FGFR1: variants seen among roughly 807,000 people sequenced by gnomAD.
FGFR1 encodes the protein fibroblast growth factor receptor 1, also known as FGFR1/PLAG1 fusion.
Under a neutral mutation model 93.7 loss-of-function variants are expected in FGFR1, and 18 were observed. The ratio of observed to expected loss-of-function variants is 0.19; its 90% CI spans 0.13 to 0.28. FGFR1 has a LOEUF of 0.28. FGFR1 is among the 10% of genes least tolerant of loss of function. The pLI is 1.00. For missense variants in FGFR1, 731 were observed against 1,080.4 expected (o/e 0.68, Z 4.53); for synonymous variants, 448 against 429.3 (o/e 1.04, Z -0.54).
chr8:38,444,513 C>G (rs1828680491), intron 2 of FGFR1, among the ~76,000 whole-genome samples: 1 of 151,688 alleles, frequency 6.6e-6, no homozygotes, highest in Non-Finnish European at 1.5e-5. Context: ...CTCAGCCCCC[C>G]AAGCAGCTGG....
intron 1 of FGFR1, chr8:38,461,152 C>G (rs765288367): frequency 6.5e-7 from 1 of 1,535,874 alleles, no homozygotes; most frequent in Non-Finnish European, 8.7e-7. Context: ...GTGAAAGTGC[C>G]TGCTGTCTTC....
chr8:38,424,408 C>T lies in FGFR1; in HGVS notation c.936+101G>A. The T allele has an allele frequency of 3.9e-6, 5 of 1,275,652 alleles. No individual in the cohort carries two copies. The highest frequency in any genetic ancestry group is 1.5e-5 in the African/African-American group (1 of 68,402). The allele number at this position is 1,275,652 out of a possible 1,614,324, so 79.0% of individuals were successfully genotyped here. ...GTGTGCCTGAAGCGTGAGGAATGATCCCATTCGGGGGCAACTGAGCCTGCC... is the reference window on the plus strand; with the variant it reads ...GTGTGCCTGAAGCGTGAGGAATGATTCCATTCGGGGGCAACTGAGCCTGCC... On this transcript the variant is annotated intron_variant, in intron 7 of 17. Coordinates refer to ENST00000447712, the MANE Select transcript of FGFR1 (RefSeq NM_023110.3). This position sits in a 1 kb window ranked among gnomAD's most constrained non-coding sequence, Gnocchi z 4.3.
In FGFR1 at chr8:38,468,606, G is replaced by C. The variant is rs1836023189; in HGVS notation, c.-714C>G. Reference sequence around the variant, plus strand: ...GCCCGCCGCCGAGGACGCCGCGCCTGTGGCCGCAAGAGCGCTCCGAGCGCT... The same window carrying C: ...GCCCGCCGCCGAGGACGCCGCGCCTCTGGCCGCAAGAGCGCTCCGAGCGCT... On this transcript the variant is annotated 5_prime_UTR_variant, in exon 1 of 18. Transcript: ENST00000447712. 1 of 230,112 alleles carries C rather than the reference G, an allele frequency of 4.3e-6. No individual in the cohort carries two copies. The highest frequency in any genetic ancestry group is 6.1e-5 in the East Asian group (1 of 16,436). The allele number at this position is 230,112 out of a possible 1,614,324, so 14.3% of individuals were successfully genotyped here. A position where few individuals can be genotyped will look rare whatever the true frequency, so the allele number is the denominator to read the frequency against.
intron 12 of FGFR1, among the ~76,000 whole-genome samples, chr8:38,416,756 A>G (rs1197881504): frequency 6.8e-6 from 1 of 146,104 alleles, no homozygotes; most frequent in Non-Finnish European, 1.5e-5. Flanking sequence ...TGCCTGGCCT[A>G]TTTATTTATT....
At chr8:38,418,756 G>A (rs538486202) in intron 9 of FGFR1, 3 of 325,210 alleles carry the variant, frequency 9.2e-6, no homozygotes, top group South Asian at 2.9e-5. Flanking sequence ...GGCTTCTGAG[G>A]GAACGGTCAT....
intron 2 of FGFR1, among the ~76,000 whole-genome samples, chr8:38,444,051 C>CAA (rs746296068): frequency 0.011 from 798 of 74,324 alleles, 30 homozygotes; most frequent in African/African-American, 0.026. Context: ...GAAACTGTCT[C>CAA]AAAAAAAAAA....
chr8:38,446,385 T>C (rs1464999272), intron 2 of FGFR1, among the ~76,000 whole-genome samples: 1 of 151,848 alleles, frequency 6.6e-6, no homozygotes, highest in East Asian at 1.9e-4. Context: ...TAGTTTTTTG[T>C]ATTTTAGTAG....
At chr8:38,457,913 G>A (rs1422325724) in intron 1 of FGFR1, among the ~76,000 whole-genome samples, 1 of 152,160 alleles carries the variant, frequency 6.6e-6, no homozygotes, top group Non-Finnish European at 1.5e-5. Flanking sequence ...AATCCAGGAG[G>A]CGAAGGATGC....
At chr8:38,459,237 T>C (rs971744495) in intron 1 of FGFR1, among the ~76,000 whole-genome samples, 1 of 152,156 alleles carries the variant, frequency 6.6e-6, no homozygotes, top group Non-Finnish European at 1.5e-5. Context: ...ATCCAAGTTA[T>C]TCAGAGAATC....
chr8:38,432,914 C>CT lies in FGFR1; in HGVS notation c.92-2967_92-2966insA, dbSNP rs912051441. Among the ~76,000 whole-genome samples, 9 of 139,558 alleles carry CT rather than the reference C, an allele frequency of 6.4e-5. 2 individuals are homozygous for CT. In the South Asian group the frequency reaches 1.0e-3, roughly 16 times the overall value. The allele number at this position is 139,558 out of a possible 152,430, so 91.6% of individuals were successfully genotyped here. On this transcript the variant is annotated intron_variant, in intron 2 of 17. Transcript: ENST00000447712. ...GGCTGTCCCTCCCCACCGCGCCCCC[C>CT]CCCCTCCCCAGTTGGGATGCTTTCA...
intron 2 of FGFR1, among the ~76,000 whole-genome samples, chr8:38,456,612 T>G (rs901568220): frequency 1.3e-5 from 2 of 152,240 alleles, no homozygotes; most frequent in Non-Finnish European, 2.9e-5. Flanking sequence ...TCACCCAGGC[T>G]GGAGCGCAGT....
At chr8:38,438,469 G>C (rs1270576092) in intron 2 of FGFR1, among the ~76,000 whole-genome samples, 1 of 151,620 alleles carries the variant, frequency 6.6e-6, no homozygotes, top group Non-Finnish European at 1.5e-5. Context: ...CTTGAACCTA[G>C]GAGGCAGAGG....
Position 38,429,415 on chromosome 8 carries a change from T to C in FGFR1, c.358+267A>G. 1 of 697,698 alleles carries C rather than the reference T, an allele frequency of 1.4e-6. No homozygotes were observed. Among genetic ancestry groups the C allele is most frequent in the South Asian group, 1.5e-5 (1 of 68,028 alleles). The allele number at this position is 697,698 out of a possible 1,614,324, so 43.2% of individuals were successfully genotyped here. ...GCTGTGGTGGAAAAAAATCACAGGG[T>C]CTTAACATCCCAAGAGCCCTGGCAA... On this transcript the variant is annotated intron_variant, in intron 3 of 17. Transcript: ENST00000447712. The surrounding 1 kb of genome is among the most constrained non-coding windows in gnomAD (Gnocchi z 4.4).
chr8:38,412,445 C>G lies in FGFR1; in HGVS notation c.*1183G>C, dbSNP rs1161935341. On this transcript the variant is annotated 3_prime_UTR_variant, in exon 18 of 18. Transcript: ENST00000447712. ...CACCGGTTTCCTTGGAGGAAACCAT[C>G]CATGGTCGATGGCTGCTGGGCCTTG... The G allele has an allele frequency of 4.3e-6, 1 of 232,566 alleles. No homozygotes were observed. Among genetic ancestry groups the G allele is most frequent in the African/African-American group, 2.2e-5 (1 of 45,322 alleles). 14.4% of individuals were successfully genotyped at this position (232,566 alleles called of 1,614,324 possible). A position where few individuals can be genotyped will look rare whatever the true frequency, so the allele number is the denominator to read the frequency against.
In FGFR1 at chr8:38,428,431, A is replaced by T; in HGVS notation, c.363T>A (p.Ala121=). Residue 121 remains alanine, a synonymous_variant, in exon 4 of 18, where the codon GCT becomes GCA. Transcript: ENST00000447712. ...CATCATCATCCTCCGAGGAGGGGAG[A>T]GCATCTATGGGAAGAAGAAGGGGCA... ...TTYFSVNVSD[A]LPSSEDDDDD... The T allele has an allele frequency of 1.2e-6, 2 of 1,612,036 alleles. No homozygotes were observed. Among genetic ancestry groups the T allele is most frequent in the South Asian group, 2.2e-5 (2 of 90,782 alleles).
intron 2 of FGFR1, among the ~76,000 whole-genome samples, chr8:38,443,381 G>A (rs1369604892): frequency 2.0e-5 from 3 of 151,872 alleles, no homozygotes; most frequent in African/African-American, 4.8e-5. Context: ...AAAATTGGCC[G>A]GGCACAGTGG....
At chr8:38,421,696 C>A in intron 8 of FGFR1, 101 bp downstream of exon 8, 1 of 1,282,818 alleles carries the variant, frequency 7.8e-7, no homozygotes, top group East Asian at 2.3e-5. Flanking sequence ...GCCCATTCTT[C>A]CAGCTCTCCT....
At chr8:38,455,374 G>C (rs796737290) in intron 2 of FGFR1, among the ~76,000 whole-genome samples, 1 of 152,124 alleles carries the variant, frequency 6.6e-6, no homozygotes, top group African/African-American at 2.4e-5. Flanking sequence ...TCTGCCTCCC[G>C]GGTTCACGCC....
At chr8:38,454,783 TGTTG>T (rs1832241003) in intron 2 of FGFR1, among the ~76,000 whole-genome samples, 1 of 152,128 alleles carries the variant, frequency 6.6e-6, no homozygotes, top group African/African-American at 2.4e-5. Context: ...TTGAGTAGTT[TGTTG>T]AAGTAAATAA....
Sources: gnomAD v4.1 joint callset for allele counts (sites outside exome capture counted in the v4.1 genomes callset) on GRCh38, gnomAD v4.1.1 for gene constraint, Gnocchi (gnomAD v3.1) non-coding constraint, MANE v1.5 for transcripts, NCBI Gene and HGNC (gene_info 2026-07-23, HGNC 2026-07-21) for gene names.